Variants in SMG7 observed in about 807,000 individuals in gnomAD.
SMG7 encodes SMG7 nonsense mediated mRNA decay factor.
SMG7 carries 34 observed loss-of-function variants against 148.2 expected under a neutral mutation model. The observed-to-expected ratio is 0.23, with a 90% CI of 0.17 to 0.31. The LOEUF is 0.31. SMG7 is among the 10% of genes least tolerant of loss of function. The pLI, the probability that SMG7 is intolerant of heterozygous loss-of-function variation, is 1.00. For synonymous variants in SMG7, 492 were observed against 515.1 expected (o/e 0.96, Z 0.61); for missense variants, 1,114 against 1,408.4 (o/e 0.79, Z 3.35).
At chr1:183,507,415 G>C (rs1245477808) in intron 1 of SMG7, among the ~76,000 whole-genome samples, 1 of 152,034 alleles carries the variant, frequency 6.6e-6, no homozygotes, top group African/African-American at 2.4e-5. Flanking sequence ...GTGTAAGAGA[G>C]GAACTATTAT....
intron 1 of SMG7, among the ~76,000 whole-genome samples, chr1:183,478,992 C>T (rs1653382547): frequency 6.6e-6 from 1 of 152,090 alleles, no homozygotes; most frequent in Admixed American, 6.5e-5. Flanking sequence ...GAAATTGTAA[C>T]TAAGCATTTA....
intron 1 of SMG7, among the ~76,000 whole-genome samples, chr1:183,505,978 A>G (rs1014901472): frequency 3.3e-5 from 5 of 152,176 alleles, no homozygotes; most frequent in African/African-American, 1.2e-4. Flanking sequence ...CTATTGAAGG[A>G]CAGAATCTGA....
Position 183,544,877 on chromosome 1 carries a change from TGCAA to T in SMG7, c.1988-52_1988-49del. ...CTGTTAAAAAAAAAATGACTTTTTT[TGCAA>T]TTTTTTGCTGTTTCCTTAAAACTAA... On this transcript the variant is annotated intron_variant, in intron 15 of 22. Transcript: ENST00000688051. The T allele has an allele frequency of 6.4e-6, 10 of 1,565,140 alleles. No homozygotes were observed. In the Admixed American group the frequency reaches 9.8e-5, roughly 15 times the overall value.
At chr1:183,537,053 T>C (rs1572046396) in intron 10 of SMG7, 92 bp from the exon 11 acceptor site, 2 of 858,142 alleles carry the variant, frequency 2.3e-6, no homozygotes, top group East Asian at 4.9e-5. Context: ...ATACATAAAG[T>C]CCAGGACCTA....
intron 1 of SMG7, among the ~76,000 whole-genome samples, chr1:183,489,009 A>T (rs1181000872): frequency 6.6e-6 from 1 of 151,882 alleles, no homozygotes; most frequent in Non-Finnish European, 1.5e-5. Context: ...TTTAACCCTA[A>T]TTATTTTTCT....
At chr1:183,477,156 C>T (rs1652418173) in intron 1 of SMG7, among the ~76,000 whole-genome samples, 1 of 152,180 alleles carries the variant, frequency 6.6e-6, no homozygotes, top group Admixed American at 6.5e-5. Flanking sequence ...GAATACCAGT[C>T]AAACAGGTCA....
At chr1:183,550,260 G>C (rs2102821718) in intron 20 of SMG7, among the ~76,000 whole-genome samples, 1 of 151,948 alleles carries the variant, frequency 6.6e-6, no homozygotes, top group East Asian at 1.9e-4. Context: ...TTTTGAGACA[G>C]TGTCTTGTGG....
In SMG7 at chr1:183,544,345, G is replaced by A. The variant is rs1227822875; in HGVS notation, c.1843-8G>A. ...TATTATAGATAGTTTTGCTTCTATT[G>A]GTTACAGGTAAAATCCCAGACAGAA... is the stretch of plus-strand genomic sequence containing the variant. On this transcript the variant is annotated splice_region_variant and splice_polypyrimidine_tract_variant and intron_variant, in intron 14 of 22. Coordinates refer to ENST00000688051, the MANE Select transcript of SMG7 (RefSeq NM_001375584.1). 6.2e-7 allele frequency: 1 copy of A among 1,612,080 alleles called. No homozygotes were observed. The highest frequency in any genetic ancestry group is 1.3e-5 in the African/African-American group (1 of 74,874).
intron 1 of SMG7, among the ~76,000 whole-genome samples, chr1:183,478,864 C>T (rs904310455): frequency 2.6e-5 from 4 of 152,126 alleles, no homozygotes; most frequent in African/African-American, 9.7e-5. Context: ...GTGGATTATT[C>T]ATCTGTTTGT....
At chr1:183,517,656 C>G in intron 3 of SMG7, 32 bp from the exon 4 acceptor site, 1 of 1,611,866 alleles carries the variant, frequency 6.2e-7, no homozygotes, top group Non-Finnish European at 8.5e-7. Context: ...TGAGTCACTG[C>G]TATACCAAAT....
Position 183,527,675 on chromosome 1 carries a change from A to G in SMG7, c.485-281A>G. 1 of 513,022 alleles carries G rather than the reference A, an allele frequency of 1.9e-6. No individual in the cohort carries two copies. Among genetic ancestry groups the G allele is most frequent in the Non-Finnish European group, 3.9e-6 (1 of 254,554 alleles). 31.8% of individuals were successfully genotyped at this position (513,022 alleles called of 1,614,324 possible). ...TGGGCCGGCTCCAGGTCACCAGCAT[A>G]GTCCATAGTGGGAGCTGGTGATGCA... On this transcript the variant is annotated intron_variant, in intron 5 of 22. Transcript: ENST00000688051. This position sits in a 1 kb window ranked among gnomAD's most constrained non-coding sequence, Gnocchi z 4.0.
At position 183,512,883 on chromosome 1, in the gene SMG7, A is replaced by G. The variant is rs749180897; in HGVS notation, c.61+15A>G. 1 of 1,518,340 alleles carries G rather than the reference A, an allele frequency of 6.6e-7. No individual in the cohort carries two copies. The highest frequency in any genetic ancestry group is 1.3e-5 in the South Asian group (1 of 79,770). The allele number at this position is 1,518,340 out of a possible 1,614,324, so 94.1% of individuals were successfully genotyped here. A position where few individuals can be genotyped will look rare whatever the true frequency, so the allele number is the denominator to read the frequency against. ...TGACATGACAGGTATTGGCTGGCTT[A>G]TTTCTTTTTCACAACATATTTTATA... On this transcript the variant is annotated intron_variant, in intron 2 of 22. Coordinates refer to ENST00000688051, the MANE Select transcript of SMG7 (RefSeq NM_001375584.1).
chr1:183,546,006 C>T lies in SMG7; in HGVS notation c.2411C>T (p.Pro804Leu). Residue 804 changes from proline to leucine, a missense_variant, in exon 17 of 23, where the codon CCT (proline) becomes CTT (leucine). Around this residue, in one of 4 missense-constraint regions of SMG7, gnomAD observed 788 missense variants for 894.5 expected, o/e 0.88. Coordinates refer to ENST00000688051, the MANE Select transcript of SMG7 (RefSeq NM_001375584.1). Reference protein sequence around the residue: ...ADASKQLWNPPQVQGPLGKIM... With the variant: ...ADASKQLWNPLQVQGPLGKIM... ...GCCTCCAAACAGCTGTGGAATCCCC[C>T]TCAGGTTCAAGGCCCATTAGGGAAA... The T allele has an allele frequency of 6.2e-7, 1 of 1,612,650 alleles. No individual in the cohort carries two copies. The highest frequency in any genetic ancestry group is 8.5e-7 in the Non-Finnish European group (1 of 1,179,504).
intron 2 of SMG7, among the ~76,000 whole-genome samples, chr1:183,514,351 T>A (rs1448829654): frequency 6.6e-6 from 1 of 152,212 alleles, no homozygotes; most frequent in Non-Finnish European, 1.5e-5. Flanking sequence ...TAATCTCGTG[T>A]CATCTTGTTC....
Position 183,553,290 on chromosome 1 carries a change from C to A in SMG7, c.*1359C>A. 1 of 1,266,820 alleles carries A rather than the reference C, an allele frequency of 7.9e-7. No individual in the cohort carries two copies. The highest frequency in any genetic ancestry group is 2.6e-5 in the East Asian group (1 of 39,190). The allele number at this position is 1,266,820 out of a possible 1,614,324, so 78.5% of individuals were successfully genotyped here. On this transcript the variant is annotated 3_prime_UTR_variant, in exon 23 of 23. Coordinates refer to ENST00000688051, the MANE Select transcript of SMG7 (RefSeq NM_001375584.1). ...GGACAGCATTTCTGTTAGTCATTTC[C>A]TGGAAAAGTAATATTTTAAGGGGAA...
chr1:183,483,441 G>A (rs970191316), intron 1 of SMG7, among the ~76,000 whole-genome samples: 1 of 152,140 alleles, frequency 6.6e-6, no homozygotes, highest in Non-Finnish European at 1.5e-5. Flanking sequence ...AATGCAACTG[G>A]AAGATGGTAT....
intron 1 of SMG7, among the ~76,000 whole-genome samples, chr1:183,505,103 C>T (rs1427084506): frequency 6.6e-6 from 1 of 151,294 alleles, no homozygotes; most frequent in African/African-American, 2.4e-5. Flanking sequence ...AAGTGTCTCC[C>T]ATTGGGAGAA....
At chr1:183,532,182 T>C (rs1266011690) in intron 8 of SMG7, among the ~76,000 whole-genome samples, 1 of 152,154 alleles carries the variant, frequency 6.6e-6, no homozygotes, top group Non-Finnish European at 1.5e-5. Flanking sequence ...CAGAGACAGC[T>C]GTAAGTTTCT....
chr1:183,527,700 A>C lies in SMG7; in HGVS notation c.485-256A>C. On this transcript the variant is annotated intron_variant, in intron 5 of 22. Coordinates refer to ENST00000688051, the MANE Select transcript of SMG7 (RefSeq NM_001375584.1). This position sits in a 1 kb window ranked among gnomAD's most constrained non-coding sequence, Gnocchi z 4.0. ...AGTCCATAGTGGGAGCTGGTGATGC[A>C]TGACACTGGAGGACCTGAAAATGGG... 1.9e-6 allele frequency: 1 copy of C among 527,810 alleles called. No homozygotes were observed. The highest frequency in any genetic ancestry group is 2.9e-4 in the Middle Eastern group (1 of 3,398). 32.7% of individuals were successfully genotyped at this position (527,810 alleles called of 1,614,324 possible). A position where few individuals can be genotyped will look rare whatever the true frequency, so the allele number is the denominator to read the frequency against.
Sources: allele counts gnomAD v4.1 joint callset (sites outside exome capture counted in the v4.1 genomes callset), GRCh38; gene constraint gnomAD v4.1.1; regional missense constraint gnomAD v4.1.1; non-coding constraint Gnocchi (gnomAD v3.1); transcripts MANE v1.5; gene names NCBI Gene and HGNC (gene_info 2026-07-23, HGNC 2026-07-21).